The following OPCML variants were observed in gnomAD, a reference collection of about 807,000 sequenced individuals.
The protein encoded by OPCML is opioid-binding protein/cell adhesion molecule.
OPCML carries 13 observed loss-of-function variants against 37.8 expected under a neutral mutation model. The ratio of observed to expected loss-of-function variants is 0.34; its 90% CI spans 0.22 to 0.55. The LOEUF is 0.55. Among genes scored for constraint, OPCML ranks in the 20% least tolerant of loss-of-function variants. The pLI is 0.91. For missense variants in OPCML, 341 were observed against 435.6 expected (o/e 0.78, Z 1.93); for synonymous variants, 176 against 168.8 (o/e 1.04, Z -0.33).
At chr11:132,536,008 A>T (rs1417469976) in intron 3 of OPCML, among the ~76,000 whole-genome samples, 2 of 152,184 alleles carry the variant, frequency 1.3e-5, no homozygotes, top group African/African-American at 4.8e-5. Context: ...AGGAAGCAAT[A>T]GTGTCAGAAA....
At chr11:132,865,329 T>G (rs1275081194) in intron 2 of OPCML, among the ~76,000 whole-genome samples, 2 of 152,200 alleles carry the variant, frequency 1.3e-5, no homozygotes, top group African/African-American at 2.4e-5. Flanking sequence ...TTTTGAAAAC[T>G]GTACAAAGAA....
chr11:133,163,696 T>C (rs1392276597), intron 1 of OPCML, among the ~76,000 whole-genome samples: 1 of 152,222 alleles, frequency 6.6e-6, no homozygotes, highest in African/African-American at 2.4e-5. Context: ...CAGGAAGGAC[T>C]AATTTCAGAA....
intron 2 of OPCML, chr11:132,773,135 CATCCTCTTTTCTG>C (rs1220979804): frequency 1.3e-5 from 2 of 152,202 alleles, no homozygotes; most frequent in Non-Finnish European, 2.9e-5. Flanking sequence ...TCTGATGACA[CATCCTCTTTTCTG>C]AGCCTGCAGC....
intron 1 of OPCML, among the ~76,000 whole-genome samples, chr11:133,517,061 T>A (rs1218069206): frequency 6.6e-6 from 1 of 152,172 alleles, no homozygotes; most frequent in East Asian, 1.9e-4. Context: ...AGACGCATCT[T>A]GCCAAGAATG....
intron 2 of OPCML, among the ~76,000 whole-genome samples, chr11:132,907,988 C>G (rs1045078095): frequency 6.6e-6 from 1 of 152,138 alleles, no homozygotes; most frequent in African/African-American, 2.4e-5. Flanking sequence ...TAAATGAGTT[C>G]CAAAACATAT....
intron 2 of OPCML, among the ~76,000 whole-genome samples, chr11:132,795,886 A>T (rs1938278692): frequency 6.6e-6 from 1 of 152,240 alleles, no homozygotes; most frequent in Admixed American, 6.5e-5. Flanking sequence ...TGTACGACAC[A>T]GTCGGCCTTC....
intron 1 of OPCML, among the ~76,000 whole-genome samples, chr11:133,446,691 T>C (rs1293692452): frequency 6.6e-6 from 1 of 152,238 alleles, no homozygotes; most frequent in Non-Finnish European, 1.5e-5. Context: ...TTCTTATTTG[T>C]TGTTACTCTC....
At chr11:133,337,805 C>G (rs974985427) in intron 1 of OPCML, among the ~76,000 whole-genome samples, 1 of 152,082 alleles carries the variant, frequency 6.6e-6, no homozygotes, top group Non-Finnish European at 1.5e-5. Flanking sequence ...ATTTTGCAAA[C>G]GTTGAGCTTA....
intron 2 of OPCML, among the ~76,000 whole-genome samples, chr11:132,793,170 T>C (rs976585426): frequency 2.6e-5 from 4 of 152,116 alleles, no homozygotes; most frequent in Admixed American, 2.6e-4. Context: ...ATCTGCTGCC[T>C]GTGGGGTCTT....
chr11:133,413,246 C>T (rs1945688076), intron 1 of OPCML, among the ~76,000 whole-genome samples: 1 of 149,612 alleles, frequency 6.7e-6, no homozygotes, highest in Admixed American at 6.7e-5. Flanking sequence ...TTAAAATTAG[C>T]ATATTCTCAC....
chr11:132,621,318 A>G (rs1301655202), intron 3 of OPCML, among the ~76,000 whole-genome samples: 2 of 152,242 alleles, frequency 1.3e-5, no homozygotes, highest in African/African-American at 4.8e-5. Context: ...CCCAATAAAA[A>G]TTAGTAGTTG....
chr11:133,061,719 C>T (rs1483537914), intron 1 of OPCML, among the ~76,000 whole-genome samples: 1 of 152,172 alleles, frequency 6.6e-6, no homozygotes, highest in Non-Finnish European at 1.5e-5. Flanking sequence ...ACCTCCTTAG[C>T]TGGAAGGGAG....
chr11:132,433,989 T>A (rs2136721878), intron 7 of OPCML, among the ~76,000 whole-genome samples: 1 of 152,346 alleles, frequency 6.6e-6, no homozygotes, highest in East Asian at 1.9e-4. Flanking sequence ...CTGGTTGTTG[T>A]TATCTGCCAT....
chr11:133,521,665 TC>T (rs1948400732), intron 1 of OPCML, among the ~76,000 whole-genome samples: 1 of 152,208 alleles, frequency 6.6e-6, no homozygotes, highest in African/African-American at 2.4e-5. Flanking sequence ...CACTCTCTCC[TC>T]CATGGGATAA....
chr11:132,672,235 G>C (rs568903176), intron 2 of OPCML, among the ~76,000 whole-genome samples: 1 of 152,284 alleles, frequency 6.6e-6, no homozygotes, highest in African/African-American at 2.4e-5. Flanking sequence ...GCAAAGCACA[G>C]CCTGGTTAAG....
intron 4 of OPCML, among the ~76,000 whole-genome samples, chr11:132,460,607 A>C (rs997941717): frequency 1.3e-5 from 2 of 152,162 alleles, no homozygotes; most frequent in Non-Finnish European, 2.9e-5. Context: ...GATGGCAAAG[A>C]AGAATAAGAA....
chr11:133,055,787 T>C (rs1181208393), intron 1 of OPCML, among the ~76,000 whole-genome samples: 355 of 100,698 alleles, frequency 3.5e-3, no homozygotes, highest in Middle Eastern at 0.017. Flanking sequence ...CCACCTCTAC[T>C]GTACAATGCT....
In OPCML at chr11:133,229,843, G is replaced by T. The variant is rs560587658; in HGVS notation, c.62-286833C>A. ...GGAAGTCTTCCCAGACCTGTCCAAAGCCTTTACTGTGCGCAGTTAGTGCGT... is the reference window on the plus strand; with the variant it reads ...GGAAGTCTTCCCAGACCTGTCCAAATCCTTTACTGTGCGCAGTTAGTGCGT... On this transcript the variant is annotated intron_variant, in intron 1 of 7. Coordinates refer to ENST00000524381, the MANE Select transcript of OPCML (RefSeq NM_001012393.5). Among the ~76,000 whole-genome samples, 285 of 152,276 alleles carry T rather than the reference G, an allele frequency of 1.9e-3. 2 individuals are homozygous for T. Among genetic ancestry groups the T allele is most frequent in the African/African-American group, 6.6e-3 (273 of 41,560 alleles).
chr11:133,002,896 C>G (rs1241025046), intron 1 of OPCML, among the ~76,000 whole-genome samples: 1 of 152,112 alleles, frequency 6.6e-6, no homozygotes, highest in African/African-American at 2.4e-5. Context: ...TTCTTAGCAC[C>G]ACTTGACCTC....
Sources: allele counts gnomAD v4.1 joint callset (sites outside exome capture counted in the v4.1 genomes callset), GRCh38; gene constraint gnomAD v4.1.1; transcripts MANE v1.5; gene names NCBI Gene and HGNC (gene_info 2026-07-23, HGNC 2026-07-21).